Variants in E2F3 observed in about 807,000 individuals in gnomAD.
E2F3 encodes the protein transcription factor E2F3.
E2F3 carries 11 observed loss-of-function variants against 44.4 expected under a neutral mutation model. That is an observed-to-expected ratio of 0.25 (90% CI 0.16 to 0.41). E2F3 has a LOEUF of 0.41. Ranked by LOEUF, E2F3 falls within the 10% of genes least tolerant of loss-of-function variation. The probability of loss-of-function intolerance (pLI) is 1.00; values close to 1 mark genes in which losing one functional copy is unlikely to be tolerated. For synonymous variants in E2F3, 249 were observed against 253.0 expected, an observed-to-expected ratio of 0.98 and a Z score of 0.15; for missense variants, 487 against 583.6, an observed-to-expected ratio of 0.83 and a Z score of 1.70.
chr6:20,460,909 T>C (rs555347237), intron 1 of E2F3, among the ~76,000 whole-genome samples: 1 of 133,344 alleles, frequency 7.5e-6, no homozygotes, highest in Non-Finnish European at 1.5e-5. Flanking sequence ...GGCAGGAGAA[T>C]CACTTGAACC....
intron 1 of E2F3, among the ~76,000 whole-genome samples, chr6:20,430,380 C>G (rs1760360932): frequency 6.6e-6 from 1 of 152,190 alleles, no homozygotes; most frequent in South Asian, 2.1e-4. Flanking sequence ...TCACGTCTGA[C>G]ATCTCCCTGC....
chr6:20,403,879 C>T (rs1035162425), intron 1 of E2F3: 2 of 1,240,246 alleles, frequency 1.6e-6, no homozygotes, highest in Non-Finnish European at 2.2e-6. Flanking sequence ...GCGGGGGCAC[C>T]GGATTCTGTT....
intron 5 of E2F3, among the ~76,000 whole-genome samples, 171 bp downstream of exon 5, chr6:20,486,974 AT>A (rs1319105929): frequency 2.0e-5 from 3 of 152,340 alleles, no homozygotes; most frequent in Admixed American, 2.0e-4. Flanking sequence ...TTTGATGTTC[AT>A]TGAGTATTCA....
intron 1 of E2F3, among the ~76,000 whole-genome samples, chr6:20,471,984 A>G (rs1190324493): frequency 6.7e-6 from 1 of 149,492 alleles, no homozygotes; most frequent in Non-Finnish European, 1.5e-5. Flanking sequence ...AAGTCTTTTG[A>G]AGTCATCTAT....
intron 1 of E2F3, among the ~76,000 whole-genome samples, chr6:20,458,465 C>A (rs1248712886): frequency 6.6e-6 from 1 of 152,152 alleles, no homozygotes; most frequent in Non-Finnish European, 1.5e-5. Context: ...CCCTCCCAGA[C>A]CATTTCTCCA....
rs1554140449 is a variant in E2F3, at chr6:20,472,066, A to ACT, written c.394-7779_394-7778insTC. 8.0e-4 allele frequency among the ~76,000 whole-genome samples: 119 copies of ACT among 148,278 alleles called. 1 individual carries two copies. The highest frequency in any genetic ancestry group is 2.8e-3 in the African/African-American group (113 of 40,160). On this transcript the variant is annotated intron_variant, in intron 1 of 6. Coordinates refer to ENST00000346618, the MANE Select transcript of E2F3 (RefSeq NM_001949.5). The stretch of plus-strand genomic sequence containing the variant: ...CACACACACACACACACACACACAC[A>ACT]CACTCACATCTATCCCTTCTGCAGG...
chr6:20,492,670 A>G lies in E2F3; in HGVS notation c.*2240A>G, dbSNP rs190937838. ...TGTGTGTTTTGTTGAATTTTTTCAT[A>G]ATGTAATGCCGTATTTATTGTTTTT... On this transcript the variant is annotated 3_prime_UTR_variant, in exon 7 of 7. Transcript: ENST00000346618. 4.3e-6 allele frequency: 1 copy of G among 232,120 alleles called. No individual in the cohort carries two copies. Among genetic ancestry groups the G allele is most frequent in the African/African-American group, 2.2e-5 (1 of 45,384 alleles). The allele number at this position is 232,120 out of a possible 1,614,324, so 14.4% of individuals were successfully genotyped here. A position where few individuals can be genotyped will look rare whatever the true frequency, so the allele number is the denominator to read the frequency against.
intron 1 of E2F3, among the ~76,000 whole-genome samples, chr6:20,424,229 G>GTA (rs1395216910): frequency 6.6e-6 from 1 of 151,514 alleles, no homozygotes; most frequent in Admixed American, 6.6e-5. Flanking sequence ...GTGTGTGTGT[G>GTA]TGTGTGTGTG....
chr6:20,483,434 G>C (rs1762296691), intron 4 of E2F3, among the ~76,000 whole-genome samples: 1 of 152,144 alleles, frequency 6.6e-6, no homozygotes. Context: ...TGAAGGGTTT[G>C]AAAGAGTAGA....
Position 20,402,400 on chromosome 6 carries a change from G to A in E2F3, c.168G>A (p.Ala56=), listed in dbSNP as rs1393908206. 6.2e-7 allele frequency: 1 copy of A among 1,610,140 alleles called. No individual in the cohort carries two copies. The highest frequency in any genetic ancestry group is 2.2e-5 in the East Asian group (1 of 44,638). ...AAAAAAAAPG[A]YIQILTTNTS... is the part of the protein sequence containing the mutation. The stretch of plus-strand genomic sequence containing the variant: ...CCGCCGCTGCCGCCGCCCCGGGCGC[G>A]TACATCCAGATCCTCACCACGAACA... Residue 56 remains alanine (A), a synonymous_variant, in exon 1 of 7, where the codon GCG becomes GCA. Coordinates refer to ENST00000346618, the MANE Select transcript of E2F3 (RefSeq NM_001949.5). This position sits in a 1 kb window ranked among gnomAD's most constrained non-coding sequence, Gnocchi z 5.6.
chr6:20,438,706 T>C (rs1760674053), intron 1 of E2F3, among the ~76,000 whole-genome samples: 1 of 152,226 alleles, frequency 6.6e-6, no homozygotes, highest in Non-Finnish European at 1.5e-5. Context: ...AATTACACTC[T>C]TTAGTTCTTC....
In E2F3 at chr6:20,487,868, G is replaced by T. The variant is rs1275344957; in HGVS notation, c.1000-245G>T. ...AGAGGCAATAATAAACAATGGGAAT[G>T]GATGTGACTCTCTTCCAATAAAACT... On this transcript the variant is annotated intron_variant, in intron 5 of 6. Coordinates refer to ENST00000346618, the MANE Select transcript of E2F3 (RefSeq NM_001949.5). Among the ~76,000 whole-genome samples the T allele has an allele frequency of 2.6e-5, 4 of 152,148 alleles. 1 individual carries two copies. Among genetic ancestry groups the T allele is most frequent in the Non-Finnish European group, 4.4e-5 (3 of 68,022 alleles).
At position 20,402,587 on chromosome 6, in the gene E2F3, C is replaced by T; in HGVS notation, c.355C>T (p.Leu119=). ...RAGLLQQPPA[L]GRGGSGGGGG... ...CGGGCTGCTGCAGCAGCCACCAGCG[C>T]TGGGACGCGGCGGCAGCGGCGGCGG... The change falls in exon 1 of 7, where the codon CTG becomes TTG. Residue 119 remains leucine, a synonymous_variant. Coordinates refer to ENST00000346618, the MANE Select transcript of E2F3 (RefSeq NM_001949.5). This position sits in a 1 kb window ranked among gnomAD's most constrained non-coding sequence, Gnocchi z 5.6. 2 of 1,410,968 alleles carry T rather than the reference C, an allele frequency of 1.4e-6. No homozygotes were observed. The highest frequency in any genetic ancestry group is 1.8e-6 in the Non-Finnish European group (2 of 1,091,298). The allele number at this position is 1,410,968 out of a possible 1,614,324, so 87.4% of individuals were successfully genotyped here. A position where few individuals can be genotyped will look rare whatever the true frequency, so the allele number is the denominator to read the frequency against.
intron 1 of E2F3, among the ~76,000 whole-genome samples, chr6:20,449,226 AGAT>A (rs1445259521): frequency 1.3e-5 from 2 of 152,226 alleles, no homozygotes; most frequent in Non-Finnish European, 2.9e-5. Context: ...TTTTATAAGA[AGAT>A]ACAATTTGAA....
chr6:20,402,161 G>T lies in E2F3; in HGVS notation c.-72G>T. ...GAAGGAGGAGAGACTTGGAAACTCC[G>T]ACTGCAAATAATAAAGAAATTGAAA... On this transcript the variant is annotated 5_prime_UTR_variant, in exon 1 of 7. Transcript: ENST00000346618. This position sits in a 1 kb window ranked among gnomAD's most constrained non-coding sequence, Gnocchi z 5.6. 1 of 1,477,792 alleles carries T rather than the reference G, an allele frequency of 6.8e-7. No homozygotes were observed. Among genetic ancestry groups the T allele is most frequent in the South Asian group, 1.4e-5 (1 of 70,120 alleles). The allele number at this position is 1,477,792 out of a possible 1,614,324, so 91.5% of individuals were successfully genotyped here.
At chr6:20,445,515 G>A (rs1581608930) in intron 1 of E2F3, among the ~76,000 whole-genome samples, 3 of 152,044 alleles carry the variant, frequency 2.0e-5, no homozygotes, top group Admixed American at 6.5e-5. Flanking sequence ...TAAGACATGC[G>A]TTTTTTCATT....
Position 20,402,136 on chromosome 6 carries a change from G to T in E2F3, c.-97G>T. 1 of 1,444,866 alleles carries T rather than the reference G, an allele frequency of 6.9e-7. No homozygotes were observed. Among genetic ancestry groups the T allele is most frequent in the East Asian group, 2.6e-5 (1 of 38,782 alleles). The allele number at this position is 1,444,866 out of a possible 1,614,324, so 89.5% of individuals were successfully genotyped here. A position where few individuals can be genotyped will look rare whatever the true frequency, so the allele number is the denominator to read the frequency against. On this transcript the variant is annotated 5_prime_UTR_variant, in exon 1 of 7. Coordinates refer to ENST00000346618, the MANE Select transcript of E2F3 (RefSeq NM_001949.5). The surrounding 1 kb of genome is among the most constrained non-coding windows in gnomAD (Gnocchi z 5.6). The stretch of plus-strand genomic sequence containing the variant: ...TCGGAAGCGCCGGGCGGGGAGGAGA[G>T]AAGGAGGAGAGACTTGGAAACTCCG...
At chr6:20,479,811 G>C in intron 1 of E2F3, 35 bp from the exon 2 acceptor site, 1 of 1,569,162 alleles carries the variant, frequency 6.4e-7, no homozygotes, top group South Asian at 1.2e-5. Flanking sequence ...TTGTCCATAT[G>C]ACCGGTGACG....
rs2127581307 is a variant in E2F3 at position 20,402,411 on chromosome 6, T to C, written c.179T>C (p.Ile60Thr). Residue 60 changes from isoleucine (I) to threonine (T), a missense_variant, in exon 1 of 7, where the codon ATC becomes ACC. Physicochemically the swap from Ile to Thr is moderately conservative, Grantham distance 89. Around this residue, in one of 3 missense-constraint regions of E2F3, gnomAD observed 238 missense variants for 236.0 expected, o/e 1.01. Coordinates refer to ENST00000346618, the MANE Select transcript of E2F3 (RefSeq NM_001949.5). The surrounding 1 kb of genome is among the most constrained non-coding windows in gnomAD (Gnocchi z 5.6). ...AAAAPGAYIQ[I>T]LTTNTSTTSC... ...GCCGCCCCGGGCGCGTACATCCAGA[T>C]CCTCACCACGAACACTTCCACCACC... is the stretch of plus-strand genomic sequence containing the variant. 1.9e-6 allele frequency: 3 copies of C among 1,607,848 alleles called. No individual in the cohort carries two copies. The highest frequency in any genetic ancestry group is 2.5e-6 in the Non-Finnish European group (3 of 1,178,504).
Sources: gnomAD v4.1 joint callset for allele counts (sites outside exome capture counted in the v4.1 genomes callset) on GRCh38, gnomAD v4.1.1 for gene constraint, gnomAD v4.1.1 regional missense constraint, Gnocchi (gnomAD v3.1) non-coding constraint, MANE v1.5 for transcripts, NCBI Gene and HGNC (gene_info 2026-07-23, HGNC 2026-07-21) for gene names.